EPHA4: variants seen among roughly 807,000 people sequenced by gnomAD.
EPHA4 encodes EPH receptor A4.
In EPHA4, 19 loss-of-function variants were observed where a neutral mutation model predicts 108.3. The ratio of observed to expected loss-of-function variants is 0.18; its 90% CI spans 0.12 to 0.26. The LOEUF (loss-of-function observed/expected upper bound fraction) is 0.26, where lower values mean the gene tolerates loss of function less well. EPHA4 is among the 10% of genes least tolerant of loss of function. EPHA4 has a pLI of 1.00. For missense variants in EPHA4, 917 were observed against 1,254.0 expected, an observed-to-expected ratio of 0.73 and a Z score of 4.06; for synonymous variants, 449 against 455.5, an observed-to-expected ratio of 0.99 and a Z score of 0.18.
At chr2:221,512,102 A>G (rs983666393) in intron 3 of EPHA4, among the ~76,000 whole-genome samples, 1 of 152,202 alleles carries the variant, frequency 6.6e-6, no homozygotes, top group South Asian at 2.1e-4. Context: ...TATAAATTCA[A>G]GTAGATTAAG....
chr2:221,572,058 T>G (rs1055361719), intron 1 of EPHA4, 100 bp downstream of exon 1: 1 of 987,872 alleles, frequency 1.0e-6, no homozygotes, highest in South Asian at 1.3e-5. Flanking sequence ...CCATTCACAC[T>G]GGGCTCCCCC....
chr2:221,442,091 A>T (rs1256026313), intron 11 of EPHA4, among the ~76,000 whole-genome samples: 2 of 152,166 alleles, frequency 1.3e-5, no homozygotes. Flanking sequence ...GGCTTATGAG[A>T]TCCTTGACTT....
intron 2 of EPHA4, 103 bp from the exon 3 acceptor site, chr2:221,564,497 A>G (rs1318171439): frequency 5.1e-6 from 6 of 1,181,152 alleles, no homozygotes; most frequent in African/African-American, 1.5e-5. Flanking sequence ...TTTTCTTTCA[A>G]TAATGAAGCA....
intron 3 of EPHA4, among the ~76,000 whole-genome samples, chr2:221,550,370 T>C (rs574267126): frequency 6.0e-5 from 9 of 150,282 alleles, no homozygotes; most frequent in African/African-American, 2.2e-4. Flanking sequence ...TGTAAAACTA[T>C]TTTAATTTTA....
chr2:221,531,313 T>C (rs1693505903), intron 3 of EPHA4, among the ~76,000 whole-genome samples: 1 of 152,102 alleles, frequency 6.6e-6, no homozygotes, highest in African/African-American at 2.4e-5. Flanking sequence ...TGATTATATT[T>C]TACATTCTTC....
In EPHA4 at chr2:221,566,911, A is replaced by AAGG. The variant is rs773740401; in HGVS notation, c.159+1804_159+1806dup. 2.6e-4 allele frequency among the ~76,000 whole-genome samples: 12 copies of AAGG among 46,532 alleles called. 3 individuals carry two copies. Among genetic ancestry groups the AAGG allele is most frequent in the Admixed American group, 1.4e-3 (6 of 4,426 alleles). The allele number at this position is 46,532 out of a possible 152,430, so 30.5% of individuals were successfully genotyped here. The stretch of plus-strand genomic sequence containing the variant: ...GAAGGAGAAGGAGAAGGAGAAGGAG[A>AAGG]AGGAGAAGGAGAAGGAGAAGGAGAA... On this transcript the variant is annotated intron_variant, in intron 2 of 17. Coordinates refer to ENST00000281821, the MANE Select transcript of EPHA4 (RefSeq NM_004438.5).
intron 8 of EPHA4, among the ~76,000 whole-genome samples, chr2:221,452,047 C>A (rs1197664541): frequency 6.6e-6 from 1 of 152,210 alleles, no homozygotes; most frequent in East Asian, 1.9e-4. Flanking sequence ...CTTCCTCTTT[C>A]TTAAATGACA....
intron 5 of EPHA4, among the ~76,000 whole-genome samples, chr2:221,479,676 AC>A (rs1246147427): frequency 5.9e-5 from 9 of 152,208 alleles, no homozygotes; most frequent in Non-Finnish European, 1.2e-4. Flanking sequence ...AATTTGCACT[AC>A]TATGAAGAAA....
chr2:221,465,496 C>T (rs1415113021), intron 5 of EPHA4, among the ~76,000 whole-genome samples: 1 of 152,160 alleles, frequency 6.6e-6, no homozygotes, highest in African/African-American at 2.4e-5. Context: ...GTTGGGTTGG[C>T]CTCTTTGGCT....
chr2:221,431,197 A>G (rs1319285697), intron 14 of EPHA4, among the ~76,000 whole-genome samples: 1 of 152,078 alleles, frequency 6.6e-6, no homozygotes, highest in Non-Finnish European at 1.5e-5. Flanking sequence ...AGGTGCTTTT[A>G]TTTGTTTGGG....
At chr2:221,520,535 CACACACACAG>C (rs57121337) in intron 3 of EPHA4, among the ~76,000 whole-genome samples, 55,435 of 122,592 alleles carry the variant, frequency 0.45, 10,940 homozygotes, top group African/African-American at 0.54. Context: ...CACACACACA[CACACACACAG>C]AGAGAGAGAG....
chr2:221,423,185 A>T (rs1261663737), intron 17 of EPHA4, among the ~76,000 whole-genome samples: 1 of 152,240 alleles, frequency 6.6e-6, no homozygotes, highest in African/African-American at 2.4e-5. Context: ...CACTTGCAAC[A>T]ACACCATGCA....
chr2:221,502,010 G>A (rs1213648411), intron 3 of EPHA4, among the ~76,000 whole-genome samples: 1 of 151,908 alleles, frequency 6.6e-6, no homozygotes, highest in Non-Finnish European at 1.5e-5. Context: ...CACCTCCCGA[G>A]AGCCTGGTGT....
chr2:221,431,117 A>G (rs977549753), intron 14 of EPHA4, among the ~76,000 whole-genome samples: 2 of 152,234 alleles, frequency 1.3e-5, no homozygotes, highest in African/African-American at 4.8e-5. Flanking sequence ...CCAAATTTAT[A>G]GAGGAGAACT....
chr2:221,475,692 G>C (rs1446371347), intron 5 of EPHA4, among the ~76,000 whole-genome samples: 1 of 152,218 alleles, frequency 6.6e-6, no homozygotes, highest in Non-Finnish European at 1.5e-5. Context: ...AAACACATGA[G>C]TGGGAATTTG....
intron 6 of EPHA4, among the ~76,000 whole-genome samples, chr2:221,457,320 AT>A (rs1559249136): frequency 6.6e-6 from 1 of 152,208 alleles, no homozygotes; most frequent in African/African-American, 2.4e-5. Flanking sequence ...GAGACAAGTT[AT>A]TTGTAAAAAT....
intron 3 of EPHA4, among the ~76,000 whole-genome samples, chr2:221,560,351 C>G (rs1694424857): frequency 6.6e-6 from 1 of 152,122 alleles, no homozygotes; most frequent in Non-Finnish European, 1.5e-5. Context: ...TTTCTTTACA[C>G]CCTCTTTCTT....
At chr2:221,480,097 A>T (rs1574598226) in intron 5 of EPHA4, among the ~76,000 whole-genome samples, 1 of 72,806 alleles carries the variant, frequency 1.4e-5, no homozygotes, top group Non-Finnish European at 2.5e-5. Flanking sequence ...CTTCTTTTGG[A>T]GGATTTTAGT....
At chr2:221,536,802 A>G (rs1175245510) in intron 3 of EPHA4, among the ~76,000 whole-genome samples, 1 of 152,154 alleles carries the variant, frequency 6.6e-6, no homozygotes, top group Non-Finnish European at 1.5e-5. Flanking sequence ...CAGACTCCTC[A>G]CCTATTAGCT....
Sources: allele counts gnomAD v4.1 joint callset (sites outside exome capture counted in the v4.1 genomes callset), GRCh38; gene constraint gnomAD v4.1.1; transcripts MANE v1.5; gene names NCBI Gene and HGNC (gene_info 2026-07-23, HGNC 2026-07-21).